EFHC2: variants seen among roughly 807,000 people sequenced by gnomAD.
EFHC2 encodes the protein EF-hand domain containing 2, also known as EF-hand domain-containing family member C2.
In EFHC2, 18 loss-of-function variants were observed where a neutral mutation model predicts 52.7. The ratio of observed to expected loss-of-function variants is 0.34; its 90% CI spans 0.24 to 0.51. EFHC2 has a LOEUF of 0.51. Ranked by LOEUF, EFHC2 falls within the 20% of genes least tolerant of loss-of-function variation. The pLI, the probability that EFHC2 is intolerant of heterozygous loss-of-function variation, is 0.97. For synonymous variants in EFHC2, 203 were observed against 204.1 expected, an observed-to-expected ratio of 0.99 and a Z score of 0.04; for missense variants, 513 against 562.5, an observed-to-expected ratio of 0.91 and a Z score of 0.89.
chrX:44,224,387 C>A (rs949967380), intron 11 of EFHC2, among the ~76,000 whole-genome samples: 1 of 112,002 alleles, frequency 8.9e-6, no homozygotes, highest in African/African-American at 3.2e-5. Context: ...TTACTATCCC[C>A]ATTTTACAGA....
intron 11 of EFHC2, among the ~76,000 whole-genome samples, chrX:44,202,885 T>C (rs968314076): frequency 9.0e-6 from 1 of 111,146 alleles, no homozygotes; most frequent in Non-Finnish European, 1.9e-5. Context: ...AAAGGAATGA[T>C]GGGTGTGGTA....
Position 44,250,414 on chromosome X carries a change from T to G in EFHC2, c.638A>C (p.Tyr213Ser). Residue 213 changes from tyrosine (Y) to serine (S), a missense_variant, in exon 5 of 15, where the codon TAC becomes TCC. Tyr to Ser is a moderately radical substitution (Grantham distance 144). Coordinates refer to ENST00000420999, the MANE Select transcript of EFHC2 (RefSeq NM_025184.4). Reference sequence around the variant, plus strand: ...CTGTTTCAGGGTGTCGAGGGATTCGTAGGGACGTAAGGGCTCTACGTGTTC... The same window carrying G: ...CTGTTTCAGGGTGTCGAGGGATTCGGAGGGACGTAAGGGCTCTACGTGTTC... ...VVEHVEPLRP[Y>S]ESLDTLKQFL... The G allele has an allele frequency of 8.3e-7, 1 of 1,209,270 alleles. No individual in the cohort carries two copies. The highest frequency in any genetic ancestry group is 1.1e-6 in the Non-Finnish European group (1 of 893,941).
intron 2 of EFHC2, chrX:44,310,425 G>A (rs886688536): frequency 4.1e-6 from 4 of 983,356 alleles, no homozygotes; most frequent in Admixed American, 6.2e-5. Flanking sequence ...GGCGAGAGCT[G>A]CAGCTGCTGC....
intron 2 of EFHC2, chrX:44,309,886 C>T (rs1327815825): frequency 1.0e-5 from 12 of 1,158,170 alleles, no homozygotes; most frequent in Non-Finnish European, 1.4e-5. Context: ...AGGCATCGTT[C>T]AATGGCATTG....
chrX:44,337,972 G>A (rs1158303706), intron 1 of EFHC2, among the ~76,000 whole-genome samples: 2 of 111,423 alleles, frequency 1.8e-5, no homozygotes, highest in African/African-American at 6.5e-5. Flanking sequence ...TGTACCATGG[G>A]CTATAGATAT....
intron 14 of EFHC2, among the ~76,000 whole-genome samples, chrX:44,159,968 C>G (rs1035901296): frequency 8.9e-6 from 1 of 112,561 alleles, no homozygotes; most frequent in Non-Finnish European, 1.9e-5. Flanking sequence ...CCTCACAACC[C>G]TAATGGAAGA....
At chrX:44,245,928 C>T (rs1293048076) in intron 7 of EFHC2, among the ~76,000 whole-genome samples, 4 of 111,449 alleles carry the variant, frequency 3.6e-5, no homozygotes, top group East Asian at 2.8e-4. Context: ...CTGCTAGAGA[C>T]GCCCCTAGCT....
At chrX:44,305,855 G>A (rs762020371) in intron 2 of EFHC2, among the ~76,000 whole-genome samples, 7 of 112,032 alleles carry the variant, frequency 6.2e-5, no homozygotes, top group African/African-American at 1.9e-4. Context: ...TAGTGTAACC[G>A]CACCAGACTA....
intron 11 of EFHC2, among the ~76,000 whole-genome samples, chrX:44,195,246 T>C (rs769220945): frequency 5.4e-5 from 6 of 111,542 alleles, no homozygotes; most frequent in Non-Finnish European, 9.4e-5. Context: ...TTTCCCACTC[T>C]GACTGCACTT....
chrX:44,247,553 T>C (rs749784492), intron 7 of EFHC2, among the ~76,000 whole-genome samples: 9 of 111,481 alleles, frequency 8.1e-5, no homozygotes, highest in African/African-American at 2.9e-4. Context: ...ACCTGGAGCC[T>C]CAGGTAGAGG....
At chrX:44,213,073 G>A (rs1381188395) in intron 11 of EFHC2, among the ~76,000 whole-genome samples, 1 of 93,066 alleles carries the variant, frequency 1.1e-5, no homozygotes, top group African/African-American at 4.1e-5. Context: ...TACAAGGTAT[G>A]CTAAAAGGCA....
At chrX:44,272,562 AC>A in intron 3 of EFHC2, 123 bp downstream of exon 3, 2 of 674,063 alleles carry the variant, frequency 3.0e-6, no homozygotes, top group Non-Finnish European at 4.3e-6. Context: ...GTTTATATTC[AC>A]CACTGCCAGC....
intron 2 of EFHC2, among the ~76,000 whole-genome samples, chrX:44,299,134 T>C (rs575196821): frequency 1.8e-5 from 2 of 110,767 alleles, no homozygotes; most frequent in South Asian, 7.7e-4. Flanking sequence ...GCGGTTTAGT[T>C]AATAGTATTA....
At position 44,173,434 on chromosome X, in the gene EFHC2, T is replaced by C. The variant is rs892235628; in HGVS notation, c.2042+2858A>G. On this transcript the variant is annotated intron_variant, in intron 13 of 14. Coordinates refer to ENST00000420999, the MANE Select transcript of EFHC2 (RefSeq NM_025184.4). Reference sequence around the variant, plus strand: ...TGTGGGGAACAATAAGAATGCAGAATATAAATGTAAGCTGCAGGCTGATGG... The same window carrying C: ...TGTGGGGAACAATAAGAATGCAGAACATAAATGTAAGCTGCAGGCTGATGG... 4.5e-5 allele frequency among the ~76,000 whole-genome samples: 5 copies of C among 111,775 alleles called. No individual in the cohort carries two copies. In the Admixed American group the frequency reaches 4.8e-4, roughly 11 times the overall value.
intron 11 of EFHC2, among the ~76,000 whole-genome samples, chrX:44,200,464 G>A (rs2036998347): frequency 9.0e-6 from 1 of 111,151 alleles, no homozygotes. Flanking sequence ...AAGATGCTAC[G>A]GAAAAGGATG....
chrX:44,333,221 G>A (rs187828154), intron 1 of EFHC2, among the ~76,000 whole-genome samples: 114 of 111,424 alleles, frequency 1.0e-3, no homozygotes, highest in African/African-American at 3.5e-3. Context: ...GAAATAAGGC[G>A]GTAAATGGGC....
At chrX:44,174,655 G>T (rs748643795) in intron 13 of EFHC2, among the ~76,000 whole-genome samples, 6 of 101,396 alleles carry the variant, frequency 5.9e-5, no homozygotes, top group African/African-American at 2.2e-4. Context: ...AAAAAAAGGG[G>T]GGGGGAGGGG....
chrX:44,316,935 C>G (rs1275160050), intron 1 of EFHC2, among the ~76,000 whole-genome samples: 1 of 112,162 alleles, frequency 8.9e-6, no homozygotes, highest in African/African-American at 3.2e-5. Flanking sequence ...ACCGTCATTA[C>G]AACAGTTACT....
chrX:44,299,410 A>C (rs1414455531), intron 2 of EFHC2, among the ~76,000 whole-genome samples: 3 of 111,725 alleles, frequency 2.7e-5, no homozygotes, highest in Admixed American at 9.5e-5. Flanking sequence ...CTGCATCTGC[A>C]TGATAAAACG....
Sources: allele counts gnomAD v4.1 joint callset (sites outside exome capture counted in the v4.1 genomes callset), GRCh38; gene constraint gnomAD v4.1.1; transcripts MANE v1.5; gene names NCBI Gene and HGNC (gene_info 2026-07-23, HGNC 2026-07-21).